CLN5: variants seen among roughly 807,000 people sequenced by gnomAD.
The protein encoded by CLN5 is bis(monoacylglycero)phosphate synthase CLN5.
A neutral mutation model predicts 36.7 loss-of-function variants in CLN5; 34 were observed. The ratio of observed to expected loss-of-function variants is 0.93; its 90% CI spans 0.71 to 1.23. The LOEUF is 1.23. Among genes scored for constraint, CLN5 ranks in the 50% most tolerant of loss-of-function variants. The pLI is 0.00. For missense variants in CLN5, 427 were observed against 439.4 expected, an observed-to-expected ratio of 0.97 and a Z score of 0.25; for synonymous variants, 151 against 155.1, an observed-to-expected ratio of 0.97 and a Z score of 0.20.
At chr13:76,995,606 G>A in intron 2 of CLN5, 3 of 502,894 alleles carry the variant, frequency 6.0e-6, no homozygotes, top group Non-Finnish European at 1.1e-5. Context: ...CCAGAGACTG[G>A]CATGGGGGCT....
rs1361821844 is a variant in CLN5, at chr13:77,002,745, A to G, written c.*1776A>G. On this transcript the variant is annotated 3_prime_UTR_variant, in exon 4 of 4. Coordinates refer to ENST00000377453, the MANE Select transcript of CLN5 (RefSeq NM_006493.4). ...CTTTAACCTGCTAATTGTTTTCACA[A>G]TGTTACAAGAAAACTTGGATCTGTG... is the stretch of plus-strand genomic sequence containing the variant. 1 of 152,178 alleles carries G rather than the reference A, an allele frequency of 6.6e-6. No individual in the cohort carries two copies. Among genetic ancestry groups the G allele is most frequent in the African/African-American group, 2.4e-5 (1 of 41,428 alleles). 9.4% of individuals were successfully genotyped at this position (152,178 alleles called of 1,614,324 possible). A position where few individuals can be genotyped will look rare whatever the true frequency, so the allele number is the denominator to read the frequency against.
At chr13:76,994,194 C>T (rs2034226991) in intron 1 of CLN5, 1 of 152,194 alleles carries the variant, frequency 6.6e-6, no homozygotes, top group African/African-American at 2.4e-5. Flanking sequence ...ATTCCATGCA[C>T]ATTCTCCTAG....
Position 77,004,308 on chromosome 13 carries a change from A to G in CLN5, c.*3339A>G, listed in dbSNP as rs1016643148. 1.3e-5 allele frequency: 2 copies of G among 152,246 alleles called. No homozygotes were observed. Among genetic ancestry groups the G allele is most frequent in the Non-Finnish European group, 2.9e-5 (2 of 68,044 alleles). The allele number at this position is 152,246 out of a possible 1,614,324, so 9.4% of individuals were successfully genotyped here. The stretch of plus-strand genomic sequence containing the variant: ...ATACAAAGAGTGATGTTCCAAAACT[A>G]CACACATGCTTTTTCCCTGTTCACA... On this transcript the variant is annotated 3_prime_UTR_variant, in exon 4 of 4. Transcript: ENST00000377453.
In CLN5 at chr13:76,992,166, G is replaced by T. The variant is rs1212872581; in HGVS notation, c.68G>T (p.Arg23Leu). The change falls in exon 1 of 4, where the codon CGC becomes CTC. Residue 23 changes from arginine to leucine, a missense_variant. Transcript: ENST00000377453. Reference sequence around the variant, plus strand: ...CGGGGCGCGGGCGCGGCTCGGGGACGCGCTTCCTGGTGCTGGGCCCTGGCG... The same window carrying T: ...CGGGGCGCGGGCGCGGCTCGGGGACTCGCTTCCTGGTGCTGGGCCCTGGCG... ...MRRGAGAARG[R>L]ASWCWALALL... is the part of the protein sequence containing the mutation. 1.2e-6 allele frequency: 2 copies of T among 1,604,998 alleles called. No individual in the cohort carries two copies. Among genetic ancestry groups the T allele is most frequent in the Non-Finnish European group, 1.7e-6 (2 of 1,177,554 alleles).
In CLN5 at chr13:77,001,764, A is replaced by G. The variant is rs969000908; in HGVS notation, c.*795A>G. 6.6e-6 allele frequency: 1 copy of G among 152,212 alleles called. No homozygotes were observed. The highest frequency in any genetic ancestry group is 2.4e-5 in the African/African-American group (1 of 41,448). The allele number at this position is 152,212 out of a possible 1,614,324, so 9.4% of individuals were successfully genotyped here. On this transcript the variant is annotated 3_prime_UTR_variant, in exon 4 of 4. Coordinates refer to ENST00000377453, the MANE Select transcript of CLN5 (RefSeq NM_006493.4). ...TGTGCCAAACTTTCCAGGGTTTTGT[A>G]GTCACCTAGATTTTAAGCTGATAGC... is the stretch of plus-strand genomic sequence containing the variant.
chr13:76,999,596 ATAACAG>A (rs1373467160), intron 3 of CLN5: 2 of 152,284 alleles, frequency 1.3e-5, no homozygotes, highest in Non-Finnish European at 2.9e-5. Context: ...GCTTGTTCTC[ATAACAG>A]TAATAGCCAG....
intron 3 of CLN5, chr13:76,996,500 G>T: frequency 4.2e-6 from 1 of 236,908 alleles, no homozygotes. Context: ...TTATGCCTTT[G>T]CATCCTCATA....
At chr13:76,996,428 A>T in intron 3 of CLN5, 1 of 350,238 alleles carries the variant, frequency 2.9e-6, no homozygotes, top group South Asian at 2.7e-5. Flanking sequence ...TACCCAATGT[A>T]TAGTCTTTTA....
chr13:77,000,262 G>A (rs763409893), intron 3 of CLN5, 196 bp from the exon 4 acceptor site: 21 of 480,234 alleles, frequency 4.4e-5, no homozygotes, highest in Admixed American at 1.1e-4. Context: ...GCCAGCGCCT[G>A]TAGTCCCAGC....
intron 1 of CLN5, chr13:76,992,955 A>G (rs2154034403): frequency 6.6e-6 from 1 of 152,406 alleles, no homozygotes; most frequent in South Asian, 2.1e-4. Context: ...GAGATAGCTA[A>G]ACACAGAGAA....
Position 77,003,786 on chromosome 13 carries a change from A to T in CLN5, c.*2817A>T, listed in dbSNP as rs1277348431. ...ACATGGTGAAACCCCGTCTCTACTGAAAATACAAAAATTAGCTGGTTGTGG... is the reference window on the plus strand; with the variant it reads ...ACATGGTGAAACCCCGTCTCTACTGTAAATACAAAAATTAGCTGGTTGTGG... On this transcript the variant is annotated 3_prime_UTR_variant, in exon 4 of 4. Coordinates refer to ENST00000377453, the MANE Select transcript of CLN5 (RefSeq NM_006493.4). The T allele has an allele frequency of 6.6e-6, 1 of 152,226 alleles. No individual in the cohort carries two copies. Among genetic ancestry groups the T allele is most frequent in the Non-Finnish European group, 1.5e-5 (1 of 68,092 alleles). 9.4% of individuals were successfully genotyped at this position (152,226 alleles called of 1,614,324 possible). A position where few individuals can be genotyped will look rare whatever the true frequency, so the allele number is the denominator to read the frequency against.
chr13:77,001,897 C>T lies in CLN5; in HGVS notation c.*928C>T, dbSNP rs1358943174. The T allele has an allele frequency of 1.3e-5, 2 of 152,206 alleles. No individual in the cohort carries two copies. The highest frequency in any genetic ancestry group is 2.4e-5 in the African/African-American group (1 of 41,458). The allele number at this position is 152,206 out of a possible 1,614,324, so 9.4% of individuals were successfully genotyped here. A position where few individuals can be genotyped will look rare whatever the true frequency, so the allele number is the denominator to read the frequency against. ...TCTTCATTGTTTCCTGTAGTTCTCC[C>T]TCTTCCCACAAAGCTGTCAGCGCAG... is the stretch of plus-strand genomic sequence containing the variant. On this transcript the variant is annotated 3_prime_UTR_variant, in exon 4 of 4. Coordinates refer to ENST00000377453, the MANE Select transcript of CLN5 (RefSeq NM_006493.4).
Position 77,003,975 on chromosome 13 carries a change from T to A in CLN5, c.*3006T>A, listed in dbSNP as rs945058786. ...AAATGTTGTAGATGTATAAAATTTA[T>A]ACATTTTTAGTCTGACTAGGGCTTT... On this transcript the variant is annotated 3_prime_UTR_variant, in exon 4 of 4. Transcript: ENST00000377453. 3.3e-5 allele frequency: 5 copies of A among 152,236 alleles called. No individual in the cohort carries two copies. The highest frequency in any genetic ancestry group is 1.2e-4 in the African/African-American group (5 of 41,448). The allele number at this position is 152,236 out of a possible 1,614,324, so 9.4% of individuals were successfully genotyped here. A position where few individuals can be genotyped will look rare whatever the true frequency, so the allele number is the denominator to read the frequency against.
rs1479433403 is a variant in CLN5, at chr13:77,002,620, G to C, written c.*1651G>C. The C allele has an allele frequency of 6.6e-6, 1 of 151,788 alleles. No homozygotes were observed. Among genetic ancestry groups the C allele is most frequent in the Non-Finnish European group, 1.5e-5 (1 of 67,966 alleles). The allele number at this position is 151,788 out of a possible 1,614,324, so 9.4% of individuals were successfully genotyped here. A position where few individuals can be genotyped will look rare whatever the true frequency, so the allele number is the denominator to read the frequency against. On this transcript the variant is annotated 3_prime_UTR_variant, in exon 4 of 4. Coordinates refer to ENST00000377453, the MANE Select transcript of CLN5 (RefSeq NM_006493.4). ...CAGTCTGAAAATAACCCAGTCACCA[G>C]ATATCTTCCTCAAATACAGAGGGAG...
At position 77,004,546 on chromosome 13, in the gene CLN5, T is replaced by C. The variant is rs1342381402; in HGVS notation, c.*3577T>C. Reference sequence around the variant, plus strand: ...AAAAGGCTTTGTGCCCTTTTTAAAGTTGGGTGTCAGCAAGCAGCTGGAATT... The same window carrying C: ...AAAAGGCTTTGTGCCCTTTTTAAAGCTGGGTGTCAGCAAGCAGCTGGAATT... On this transcript the variant is annotated 3_prime_UTR_variant, in exon 4 of 4. Transcript: ENST00000377453. 6.6e-6 allele frequency: 1 copy of C among 152,140 alleles called. No homozygotes were observed. Among genetic ancestry groups the C allele is most frequent in the Non-Finnish European group, 1.5e-5 (1 of 68,022 alleles). The allele number at this position is 152,140 out of a possible 1,614,324, so 9.4% of individuals were successfully genotyped here. A position where few individuals can be genotyped will look rare whatever the true frequency, so the allele number is the denominator to read the frequency against.
chr13:77,000,813 T>A lies in CLN5; in HGVS notation c.921T>A (p.Ser307Arg), dbSNP rs149668314. 4 of 1,609,984 alleles carry A rather than the reference T, an allele frequency of 2.5e-6. No homozygotes were observed. In the African/African-American group the frequency reaches 5.4e-5, roughly 22 times the overall value. The change falls in exon 4 of 4, where the codon AGT (serine) becomes AGA (arginine). Residue 307 changes from serine to arginine, a missense_variant. Ser to Arg is a moderately radical substitution (Grantham distance 110). Coordinates refer to ENST00000377453, the MANE Select transcript of CLN5 (RefSeq NM_006493.4). ...PHLPTKEFLL[S>R]LLQIFDAVIV... ...TGCCAACTAAAGAATTTCTGTTGAG[T>A]CTCTTGCAAATTTTTGATGCAGTGA...
chr13:77,000,500 A>G lies in CLN5; in HGVS notation c.608A>G (p.Asn203Ser), dbSNP rs2034339946. 3 of 1,613,966 alleles carry G rather than the reference A, an allele frequency of 1.9e-6. No individual in the cohort carries two copies. The highest frequency in any genetic ancestry group is 1.7e-6 in the Non-Finnish European group (2 of 1,179,978). The change falls in exon 4 of 4, where the codon AAT becomes AGT. Residue 203 changes from asparagine (N) to serine (S), a missense_variant. Transcript: ENST00000377453. ...NQMAKWVKQD[N>S]ETGIYYETWN... is the part of the protein sequence containing the mutation. Reference sequence around the variant, plus strand: ...ATGGCAAAGTGGGTGAAACAGGACAATGAAACAGGAATTTATTATGAGACA... The same window carrying G: ...ATGGCAAAGTGGGTGAAACAGGACAGTGAAACAGGAATTTATTATGAGACA...
In CLN5 at chr13:77,003,959, A is replaced by AGAT. The variant is rs1491584192; in HGVS notation, c.*2992_*2994dup. 1 of 152,270 alleles carries AGAT rather than the reference A, an allele frequency of 6.6e-6. No individual in the cohort carries two copies. The highest frequency in any genetic ancestry group is 1.5e-5 in the Non-Finnish European group (1 of 68,052). The allele number at this position is 152,270 out of a possible 1,614,324, so 9.4% of individuals were successfully genotyped here. On this transcript the variant is annotated 3_prime_UTR_variant, in exon 4 of 4. Transcript: ENST00000377453. ...AGACTCCGTCTCAAAAAAATGTTGT[A>AGAT]GATGTATAAAATTTATACATTTTTA...
At position 77,004,484 on chromosome 13, in the gene CLN5, T is replaced by A. The variant is rs1251811755; in HGVS notation, c.*3515T>A. The A allele has an allele frequency of 1.3e-5, 2 of 152,218 alleles. No individual in the cohort carries two copies. The highest frequency in any genetic ancestry group is 2.9e-5 in the Non-Finnish European group (2 of 68,032). The allele number at this position is 152,218 out of a possible 1,614,324, so 9.4% of individuals were successfully genotyped here. A position where few individuals can be genotyped will look rare whatever the true frequency, so the allele number is the denominator to read the frequency against. On this transcript the variant is annotated 3_prime_UTR_variant, in exon 4 of 4. Coordinates refer to ENST00000377453, the MANE Select transcript of CLN5 (RefSeq NM_006493.4). ...ATTATTTATCCTTTTATTGGACTGATTATTCTAAGGATAAGCTCTTACTTC... is the reference window on the plus strand; with the variant it reads ...ATTATTTATCCTTTTATTGGACTGAATATTCTAAGGATAAGCTCTTACTTC...
Sources: allele counts gnomAD v4.1 joint callset, GRCh38; gene constraint gnomAD v4.1.1; transcripts MANE v1.5; gene names NCBI Gene and HGNC (gene_info 2026-07-23, HGNC 2026-07-21).